CLEC1B: variants seen among roughly 807,000 people sequenced by gnomAD.
The protein encoded by CLEC1B is C-type lectin domain family 1 member B.
Under a neutral mutation model 26.7 loss-of-function variants are expected in CLEC1B, and 26 were observed. The observed-to-expected ratio is 0.97, with a 90% confidence interval of 0.71 to 1.35. CLEC1B has a LOEUF of 1.35. Among genes scored for constraint, CLEC1B ranks in the 40% most tolerant of loss-of-function variants. The pLI, the probability that CLEC1B is intolerant of heterozygous loss-of-function variation, is 0.00. For synonymous variants in CLEC1B, 112 were observed against 96.0 expected (o/e 1.17, Z -0.97); for missense variants, 293 against 282.6 (o/e 1.04, Z -0.26).
At chr12:10,000,756 T>G (rs1865148878), upstream of CLEC1B, among the ~76,000 whole-genome samples, 1 of 152,172 alleles carries the variant, frequency 6.6e-6, no homozygotes, top group African/African-American at 2.4e-5. Context: ...TCTGGAAGAT[T>G]GGGGTTGGAA....
At chr12:9,995,776 C>T (rs1865029061) in intron 4 of CLEC1B, 1 of 189,454 alleles carries the variant, frequency 5.3e-6, no homozygotes, top group African/African-American at 2.4e-5. Context: ...ATCTACCTTT[C>T]CCTATTTACT....
rs776324413 is a variant in CLEC1B at position 9,996,798 on chromosome 12, G to A, written c.438+48C>T. The stretch of plus-strand genomic sequence containing the variant: ...AAAAAAGGTCAAGTGTTACATTTGA[G>A]GTTTCTCTTCCTTGCCTCCAAAATA... On this transcript the variant is annotated intron_variant, in intron 4 of 5. Transcript: ENST00000298527. 14 of 1,598,424 alleles carry A rather than the reference G, an allele frequency of 8.8e-6. No individual in the cohort carries two copies. In the East Asian group the frequency reaches 2.7e-4, roughly 31 times the overall value.
intron 2 of CLEC1B, among the ~76,000 whole-genome samples, chr12:9,998,013 A>T (rs1019461793): frequency 6.6e-6 from 1 of 152,018 alleles, no homozygotes. Context: ...TTTTAAAAAT[A>T]GTTTGGATCC....
In CLEC1B at chr12:9,996,872, G is replaced by A; in HGVS notation, c.412C>T (p.Leu138=). The stretch of plus-strand genomic sequence containing the variant: ...ACAATGTTCCGGTTGTCAATCTTCA[G>A]GAGAGTAGCATTCATGTCAGTGCAG... ...QYCTDMNATL[L]KIDNRNIVEY... The change falls in exon 4 of 6, where the codon CTG becomes TTG. Residue 138 remains leucine, a synonymous_variant. Coordinates refer to ENST00000298527, the MANE Select transcript of CLEC1B (RefSeq NM_016509.4). 7 of 1,614,032 alleles carry A rather than the reference G, an allele frequency of 4.3e-6. No individual in the cohort carries two copies. The highest frequency in any genetic ancestry group is 5.9e-6 in the Non-Finnish European group (7 of 1,179,974).
At chr12:9,997,383 G>T in intron 2 of CLEC1B, 104 bp from the exon 3 acceptor site, 1 of 1,005,334 alleles carries the variant, frequency 9.9e-7, no homozygotes, top group Non-Finnish European at 1.4e-6. Flanking sequence ...CAATATATGA[G>T]GAGTTTACTA....
intron 5 of CLEC1B, among the ~76,000 whole-genome samples, chr12:9,994,600 T>C (rs1591848281): frequency 6.6e-6 from 1 of 152,164 alleles, no homozygotes; most frequent in South Asian, 2.1e-4. Flanking sequence ...GGATTGTTTG[T>C]AGAAGGACAA....
intron 2 of CLEC1B, among the ~76,000 whole-genome samples, 156 bp downstream of exon 2, chr12:9,998,126 T>C (rs1026775922): frequency 7.9e-5 from 12 of 152,172 alleles, no homozygotes; most frequent in African/African-American, 2.9e-4. Flanking sequence ...ACAGTCAGTG[T>C]TCTCCTTTAT....
At chr12:9,994,992 G>T in intron 5 of CLEC1B, 148 bp downstream of exon 5, 1 of 1,542,648 alleles carries the variant, frequency 6.5e-7, no homozygotes, top group Non-Finnish European at 8.8e-7. Context: ...ATTGTCTTAT[G>T]ACCAGCGCTG....
intron 5 of CLEC1B, among the ~76,000 whole-genome samples, chr12:9,994,673 C>T (rs1478932717): frequency 6.6e-6 from 1 of 151,992 alleles, no homozygotes; most frequent in Non-Finnish European, 1.5e-5. Context: ...CTTGGAGACT[C>T]CCAGAATAGA....
chr12:9,994,203 G>A (rs1257558921), intron 5 of CLEC1B, among the ~76,000 whole-genome samples: 2 of 152,012 alleles, frequency 1.3e-5, no homozygotes, highest in African/African-American at 4.8e-5. Context: ...CATTCTAGAA[G>A]AAAATAGCAA....
intron 2 of CLEC1B, 33 bp downstream of exon 2, chr12:9,998,249 T>A (rs767930448): frequency 1.9e-6 from 3 of 1,545,888 alleles, no homozygotes; most frequent in Non-Finnish European, 2.7e-6. Flanking sequence ...ATTACCTTCC[T>A]CCAGTCAAAT....
rs1377187742 is a variant in CLEC1B at position 9,996,861 on chromosome 12, G to A, written c.423C>T (p.Asp141=). 1 of 1,614,026 alleles carries A rather than the reference G, an allele frequency of 6.2e-7. No individual in the cohort carries two copies. Among genetic ancestry groups the A allele is most frequent in the Admixed American group, 1.7e-5 (1 of 60,018 alleles). ...ATCTTCTTACCACAATGTTCCGGTT[G>A]TCAATCTTCAGGAGAGTAGCATTCA... The part of the protein sequence containing the change: ...TDMNATLLKI[D]NRNIVEYIKA... Residue 141 remains aspartate, a synonymous_variant, in exon 4 of 6, where the codon GAC becomes GAT. Transcript: ENST00000298527.
At position 9,997,136 on chromosome 12, in the gene CLEC1B, A is replaced by C. The variant is rs199593756; in HGVS notation, c.283+24T>G. 2.5e-6 allele frequency: 4 copies of C among 1,613,438 alleles called. No individual in the cohort carries two copies. In the African/African-American group the frequency reaches 5.3e-5, roughly 22 times the overall value. ...AATGCTCCAGGGGTTGGAGAGATGAAGAGGTTAAAAAAACAATACTTACTG... is the reference window on the plus strand; with the variant it reads ...AATGCTCCAGGGGTTGGAGAGATGACGAGGTTAAAAAAACAATACTTACTG... On this transcript the variant is annotated intron_variant, in intron 3 of 5. Transcript: ENST00000298527.
In CLEC1B at chr12:9,997,167, G is replaced by A; in HGVS notation, c.276C>T (p.Gly92=). 6.2e-7 allele frequency: 1 copy of A among 1,613,898 alleles called. No individual in the cohort carries two copies. The highest frequency in any genetic ancestry group is 8.5e-7 in the Non-Finnish European group (1 of 1,179,950). The change falls in exon 3 of 6, where the codon GGC becomes GGT. Residue 92 remains glycine, a synonymous_variant. Transcript: ENST00000298527. ...QYVVKQSELK[G]TFKGHKCSPC... The stretch of plus-strand genomic sequence containing the variant: ...TAAAAAAACAATACTTACTGAAAGT[G>A]CCCTTTAGTTCTGATTGTTTTACCA...
intron 4 of CLEC1B, among the ~76,000 whole-genome samples, chr12:9,996,258 A>G (rs1227061887): frequency 6.6e-6 from 1 of 152,192 alleles, no homozygotes; most frequent in Non-Finnish European, 1.5e-5. Context: ...CCCAATAGGA[A>G]CTGACAGATA....
At chr12:9,999,650 C>T (rs939929889), upstream of CLEC1B, among the ~76,000 whole-genome samples, 1 of 152,188 alleles carries the variant, frequency 6.6e-6, no homozygotes, top group Non-Finnish European at 1.5e-5. Context: ...CTAGAATTTA[C>T]ACAACTTCTT....
intron 5 of CLEC1B, 184 bp downstream of exon 5, chr12:9,994,956 C>G (rs1274747382): frequency 1.4e-6 from 2 of 1,457,966 alleles, no homozygotes; most frequent in East Asian, 2.8e-5. Flanking sequence ...AGATAAAGAG[C>G]AAAGTAATGG....
At chr12:9,995,345 G>T (rs1295044603) in intron 4 of CLEC1B, 99 bp from the exon 5 acceptor site, 1 of 941,968 alleles carries the variant, frequency 1.1e-6, no homozygotes, top group Non-Finnish European at 1.7e-6. Flanking sequence ...AAAAATGTTG[G>T]ATTACATGTC....
chr12:9,994,764 T>G (rs961553122), intron 5 of CLEC1B, among the ~76,000 whole-genome samples: 1 of 152,102 alleles, frequency 6.6e-6, no homozygotes, highest in African/African-American at 2.4e-5. Context: ...ATATGAAATT[T>G]TGTTTTAAAA....
Sources: gnomAD v4.1 joint callset for allele counts (sites outside exome capture counted in the v4.1 genomes callset) on GRCh38, gnomAD v4.1.1 for gene constraint, MANE v1.5 for transcripts, NCBI Gene and HGNC (gene_info 2026-07-23, HGNC 2026-07-21) for gene names.